The following SORCS2 variants were observed in gnomAD, a reference collection of about 807,000 sequenced individuals.
The protein encoded by SORCS2 is VPS10 domain-containing receptor SorCS2.
In SORCS2, 100 loss-of-function variants were observed where a neutral mutation model predicts 141.6. The observed-to-expected ratio is 0.71, with a 90% CI of 0.60 to 0.83. The LOEUF is 0.83. SORCS2 is among the 40% of genes least tolerant of loss of function. The pLI, the probability that SORCS2 is intolerant of heterozygous loss-of-function variation, is 0.00. For synonymous variants in SORCS2, 789 were observed against 676.9 expected (o/e 1.17, Z -2.57); for missense variants, 1,646 against 1,560.2 (o/e 1.05, Z -0.93).
At chr4:7,377,103 G>A (rs749860904) in intron 1 of SORCS2, among the ~76,000 whole-genome samples, 1 of 152,202 alleles carries the variant, frequency 6.6e-6, no homozygotes, top group Non-Finnish European at 1.5e-5. Context: ...GACATGTTGT[G>A]TCTGTAATTT....
rs138632853 is a variant in SORCS2, at chr4:7,301,440, C to T, written c.481-94848C>T. Among the ~76,000 whole-genome samples, 3 of 152,316 alleles carry T rather than the reference C, an allele frequency of 2.0e-5. No individual in the cohort carries two copies. In the South Asian group the frequency reaches 6.2e-4, roughly 32 times the overall value. On this transcript the variant is annotated intron_variant, in intron 1 of 26. Transcript: ENST00000507866. ...AAATGAATGAGTGAAGGAATGATCT[C>T]GGATCAATATCACACAAAGTTCTCA... is the stretch of plus-strand genomic sequence containing the variant.
At chr4:7,313,525 G>A (rs1459154496) in intron 1 of SORCS2, among the ~76,000 whole-genome samples, 1 of 152,196 alleles carries the variant, frequency 6.6e-6, no homozygotes, top group Non-Finnish European at 1.5e-5. Context: ...GGGTGTTCCA[G>A]GCACGGGGAG....
In SORCS2 at chr4:7,741,488, T is replaced by G; in HGVS notation, c.*1224T>G. ...CTTTTGCCTTGAAATGGGAAGTCAG[T>G]AGCCCCTTCCTCCTCCTCCCTCCTC... On this transcript the variant is annotated 3_prime_UTR_variant, in exon 27 of 27. Transcript: ENST00000507866. 4.6e-5 allele frequency: 15 copies of G among 327,748 alleles called. No individual in the cohort carries two copies. The highest frequency in any genetic ancestry group is 4.4e-5 in the Non-Finnish European group (8 of 183,038). The allele number at this position is 327,748 out of a possible 1,614,324, so 20.3% of individuals were successfully genotyped here.
chr4:7,655,979 C>T (rs10006835), intron 5 of SORCS2, among the ~76,000 whole-genome samples: 24,142 of 152,248 alleles, frequency 0.16, 3,645 homozygotes, highest in African/African-American at 0.4. Context: ...CCTGCTGTTA[C>T]TCGAGGGAAT....
Position 7,445,080 on chromosome 4 carries a change from G to C in SORCS2, c.548+48725G>C, listed in dbSNP as rs758053387. On this transcript the variant is annotated intron_variant, in intron 2 of 26. Transcript: ENST00000507866. Reference sequence around the variant, plus strand: ...CTGCGGGTGGCAAGAGGGAGGGATTGGGGGAGGCCCAGACTTGCAAGATGG... The same window carrying C: ...CTGCGGGTGGCAAGAGGGAGGGATTCGGGGAGGCCCAGACTTGCAAGATGG... 1.0e-4 allele frequency among the ~76,000 whole-genome samples: 15 copies of C among 150,682 alleles called. No individual in the cohort carries two copies. In the South Asian group the frequency reaches 1.2e-3, roughly 12 times the overall value.
At chr4:7,212,770 C>T (rs1002355988) in intron 1 of SORCS2, among the ~76,000 whole-genome samples, 1 of 152,270 alleles carries the variant, frequency 6.6e-6, no homozygotes, top group African/African-American at 2.4e-5. Context: ...CCCAACCCTG[C>T]AGCCAGGGCG....
intron 2 of SORCS2, among the ~76,000 whole-genome samples, chr4:7,499,592 G>A (rs1043540255): frequency 6.6e-6 from 1 of 152,072 alleles, no homozygotes; most frequent in African/African-American, 2.4e-5. Flanking sequence ...GGGCCGGCAT[G>A]GGAGACAGGC....
intron 1 of SORCS2, among the ~76,000 whole-genome samples, chr4:7,249,715 G>A (rs747189569): frequency 1.8e-4 from 28 of 152,154 alleles, no homozygotes; most frequent in African/African-American, 5.8e-4. Flanking sequence ...TCAAGCCCTC[G>A]CACAAAGCAC....
intron 1 of SORCS2, among the ~76,000 whole-genome samples, chr4:7,294,066 G>T (rs181570365): frequency 6.6e-6 from 1 of 152,306 alleles, no homozygotes; most frequent in African/African-American, 2.4e-5. Flanking sequence ...GGAAGGTCAG[G>T]TATGACTGAA....
chr4:7,466,054 A>C (rs542754875), intron 2 of SORCS2, among the ~76,000 whole-genome samples: 4 of 152,354 alleles, frequency 2.6e-5, no homozygotes, highest in South Asian at 2.1e-4. Context: ...GACTATTGCT[A>C]TCCACATCAT....
chr4:7,598,842 A>AG (rs1256233872), intron 3 of SORCS2, among the ~76,000 whole-genome samples: 1 of 152,172 alleles, frequency 6.6e-6, no homozygotes, highest in Admixed American at 6.5e-5. Flanking sequence ...TCTCCCCCCC[A>AG]GGCTGTGCTC....
intron 23 of SORCS2, among the ~76,000 whole-genome samples, chr4:7,731,929 A>G (rs968537376): frequency 6.6e-6 from 1 of 152,242 alleles, no homozygotes; most frequent in African/African-American, 2.4e-5. Flanking sequence ...AGTACATGCA[A>G]CAAACGCAAA....
intron 1 of SORCS2, among the ~76,000 whole-genome samples, chr4:7,291,506 G>A (rs112152086): frequency 6.6e-6 from 1 of 152,174 alleles, no homozygotes; most frequent in African/African-American, 2.4e-5. Context: ...CCCTTCCTGG[G>A]AGAGAGAGAT....
chr4:7,661,676 C>A (rs569855168), intron 6 of SORCS2, 112 bp downstream of exon 6: 10 of 975,970 alleles, frequency 1.0e-5, no homozygotes, highest in African/African-American at 1.7e-5. Context: ...CCTACACAGC[C>A]GGCCTCACTG....
At chr4:7,441,543 C>T (rs1267618822) in intron 2 of SORCS2, among the ~76,000 whole-genome samples, 1 of 151,914 alleles carries the variant, frequency 6.6e-6, no homozygotes, top group Admixed American at 6.6e-5. Flanking sequence ...CTTGCCATAA[C>T]CCCTTTCCAC....
rs964537093 is a variant in SORCS2 at position 7,733,515 on chromosome 4, C to T, written c.3208+94C>T. On this transcript the variant is annotated intron_variant, in intron 24 of 26. Transcript: ENST00000507866. Reference sequence around the variant, plus strand: ...CTGCAGGGCCCTCGGGCAGATGGCCCGTATCCCCCTCCTGGTGGGTGTTCG... The same window carrying T: ...CTGCAGGGCCCTCGGGCAGATGGCCTGTATCCCCCTCCTGGTGGGTGTTCG... The T allele has an allele frequency of 1.5e-5, 15 of 1,012,200 alleles. No individual in the cohort carries two copies. The Admixed American group carries it at 1.7e-4, about 11-fold the overall frequency. 62.7% of individuals were successfully genotyped at this position (1,012,200 alleles called of 1,614,324 possible).
Position 7,523,707 on chromosome 4 carries a change from G to A in SORCS2, c.549-7823G>A, listed in dbSNP as rs190621296. Among the ~76,000 whole-genome samples, 1,462 of 152,242 alleles carry A rather than the reference G, an allele frequency of 9.6e-3. 13 individuals carry two copies. The highest frequency in any genetic ancestry group is 0.016 in the Non-Finnish European group (1,057 of 68,004). On this transcript the variant is annotated intron_variant, in intron 2 of 26. Coordinates refer to ENST00000507866, the MANE Select transcript of SORCS2 (RefSeq NM_020777.3). ...CCCTCAGTGTCCCTGCCCACAGGCC[G>A]CTGTTATGTGATTGGACTATCGACC...
At chr4:7,404,671 T>C (rs747945942) in intron 2 of SORCS2, among the ~76,000 whole-genome samples, 1 of 152,210 alleles carries the variant, frequency 6.6e-6, no homozygotes, top group Non-Finnish European at 1.5e-5. Flanking sequence ...TGTCTATTTG[T>C]GTCCTTTGCC....
chr4:7,620,653 C>G (rs768402252), intron 3 of SORCS2, among the ~76,000 whole-genome samples: 1 of 152,240 alleles, frequency 6.6e-6, no homozygotes, highest in African/African-American at 2.4e-5. Flanking sequence ...GTGTTGGGTA[C>G]ACACACTCCA....
Sources: allele counts gnomAD v4.1 joint callset (sites outside exome capture counted in the v4.1 genomes callset), GRCh38; gene constraint gnomAD v4.1.1; transcripts MANE v1.5; gene names NCBI Gene and HGNC (gene_info 2026-07-23, HGNC 2026-07-21).